PES1: variants seen among roughly 807,000 people sequenced by gnomAD.
PES1 encodes the protein pescadillo homolog.
Under a neutral mutation model 77.1 loss-of-function variants are expected in PES1, and 31 were observed. The observed-to-expected ratio is 0.40, with a 90% CI of 0.30 to 0.54. The LOEUF (loss-of-function observed/expected upper bound fraction) is 0.54. PES1 is among the 20% of genes least tolerant of loss of function. The probability of loss-of-function intolerance (pLI) is 0.45; values close to 1 mark genes in which losing one functional copy is unlikely to be tolerated. For missense variants in PES1, 658 were observed against 771.7 expected (o/e 0.85, Z 1.75); for synonymous variants, 282 against 303.0 (o/e 0.93, Z 0.72).
chr22:30,584,820 G>C, intron 4 of PES1, 103 bp from the exon 5 acceptor site: 1 of 1,196,908 alleles, frequency 8.4e-7, no homozygotes, highest in Non-Finnish European at 1.2e-6. Context: ...CTCAAGCCAG[G>C]CCTCACCACT....
rs375509643 is a variant in PES1, at chr22:30,589,111, A to G, written c.104+80T>C. 1.9e-5 allele frequency: 20 copies of G among 1,034,046 alleles called. No individual in the cohort carries two copies. The East Asian group carries it at 4.5e-4, about 23-fold the overall frequency. 64.1% of individuals were successfully genotyped at this position (1,034,046 alleles called of 1,614,324 possible). On this transcript the variant is annotated intron_variant, in intron 2 of 14. Transcript: ENST00000354694. ...CCAGAACCCCAGAATGGGTATGGCA[A>G]CTCAGGTAAGACAGGGATGCAGCTG... is the stretch of plus-strand genomic sequence containing the variant.
chr22:30,606,763 A>AGG, intron 1 of PES1: 1 of 715,940 alleles, frequency 1.4e-6, no homozygotes, highest in Non-Finnish European at 1.7e-6. Flanking sequence ...GCCACAACTG[A>AGG]GGGAGGCGGT....
At chr22:30,599,967 A>G (rs1410450907) in intron 2 of PES1, among the ~76,000 whole-genome samples, 3 of 152,242 alleles carry the variant, frequency 2.0e-5, no homozygotes, top group African/African-American at 7.2e-5. Flanking sequence ...TACAATTGTC[A>G]TGTAATTTAA....
At chr22:30,582,615 G>C (rs527304663) in intron 6 of PES1, among the ~76,000 whole-genome samples, 5 of 152,266 alleles carry the variant, frequency 3.3e-5, no homozygotes, top group South Asian at 4.1e-4. Flanking sequence ...AGGATGTTCC[G>C]AGCAACGTGA....
At chr22:30,580,837 C>T in intron 9 of PES1, 136 bp from the exon 10 acceptor site, 1 of 1,365,988 alleles carries the variant, frequency 7.3e-7, no homozygotes, top group Non-Finnish European at 1.0e-6. Flanking sequence ...CAAGGCCCCA[C>T]TCCTGAGCTC....
At chr22:30,593,858 C>G (rs1433788026), upstream of PES1, among the ~76,000 whole-genome samples, 3 of 152,216 alleles carry the variant, frequency 2.0e-5, no homozygotes, top group South Asian at 2.1e-4. Context: ...CTAAGCTGTG[C>G]AGAATAGATT....
intron 2 of PES1, among the ~76,000 whole-genome samples, chr22:30,602,327 G>C (rs1477637323): frequency 6.6e-6 from 1 of 151,984 alleles, no homozygotes; most frequent in African/African-American, 2.4e-5. Context: ...TTTCTGCCAC[G>C]ATTGCAAGTT....
chr22:30,600,722 A>G (rs771670198), intron 2 of PES1, among the ~76,000 whole-genome samples: 3 of 152,182 alleles, frequency 2.0e-5, no homozygotes, highest in Non-Finnish European at 4.4e-5. Context: ...AGGCTGAGGC[A>G]GGAGAATGGC....
At chr22:30,581,271 A>G in intron 8 of PES1, 63 bp downstream of exon 8, 3 of 1,530,506 alleles carry the variant, frequency 2.0e-6, no homozygotes, top group Non-Finnish European at 2.7e-6. Context: ...AGACCCCCAG[A>G]GGTGTTGGGG....
intron 1 of PES1, 31 bp downstream of exon 1, chr22:30,591,779 C>A: frequency 6.4e-7 from 1 of 1,554,930 alleles, no homozygotes; most frequent in East Asian, 2.4e-5. Context: ...CACCCCACCC[C>A]TCGGGAATCC....
At chr22:30,599,594 T>C (rs2146494517) in intron 2 of PES1, among the ~76,000 whole-genome samples, 1 of 152,278 alleles carries the variant, frequency 6.6e-6, no homozygotes, top group Admixed American at 6.5e-5. Flanking sequence ...TCATAACTAG[T>C]CTAAGGCAAT....
chr22:30,599,278 C>T (rs994783851), intron 2 of PES1, among the ~76,000 whole-genome samples: 1 of 141,004 alleles, frequency 7.1e-6, no homozygotes, highest in African/African-American at 2.6e-5. Context: ...TGTTAACATA[C>T]ATTTTTGCCT....
intron 6 of PES1, among the ~76,000 whole-genome samples, chr22:30,583,661 C>A (rs1016973967): frequency 6.6e-6 from 1 of 152,248 alleles, no homozygotes; most frequent in Non-Finnish European, 1.5e-5. Flanking sequence ...CTGTGGCTCA[C>A]GCCTATAATC....
rs577001373 is a variant in PES1, at chr22:30,585,423, C to T, written c.369-706G>A. 258 of 451,992 alleles carry T rather than the reference C, an allele frequency of 5.7e-4. 3 individuals carry two copies. The highest frequency in any genetic ancestry group is 4.0e-3 in the South Asian group (247 of 62,468). The allele number at this position is 451,992 out of a possible 1,614,324, so 28.0% of individuals were successfully genotyped here. ...AGAGAAGACACGGAACCACAAGTAA[C>T]GACACCTGGATTCCAGTCCCGGTCT... is the stretch of plus-strand genomic sequence containing the variant. On this transcript the variant is annotated intron_variant, in intron 4 of 14. Transcript: ENST00000354694.
Position 30,578,900 on chromosome 22 carries a change from C to T in PES1, c.1620G>A (p.Met540Ile). The change falls in exon 14 of 15, where the codon ATG (methionine) becomes ATA (isoleucine). Residue 540 changes from methionine (M) to isoleucine (I), a missense_variant. By Grantham distance (10) the Met-to-Ile change is conservative. Coordinates refer to ENST00000354694, the MANE Select transcript of PES1 (RefSeq NM_014303.4). ...SEAKRLAIMM[M>I]KKREKYLYQK... ...GGTACAGGTACTTCTCCCGCTTCTT[C>T]ATCATCATAATGGCCAGGCGCTTGG... 6.2e-7 allele frequency: 1 copy of T among 1,613,448 alleles called. No homozygotes were observed. Among genetic ancestry groups the T allele is most frequent in the Non-Finnish European group, 8.5e-7 (1 of 1,180,024 alleles).
chr22:30,596,339 AGTGT>A (rs112899417), upstream of PES1, among the ~76,000 whole-genome samples: 1 of 149,668 alleles, frequency 6.7e-6, no homozygotes, highest in Admixed American at 6.7e-5. Context: ...TGTTTTTTCA[AGTGT>A]GTGTGTGTGT....
At chr22:30,582,207 A>G (rs2086998993) in intron 6 of PES1, among the ~76,000 whole-genome samples, 1 of 152,230 alleles carries the variant, frequency 6.6e-6, no homozygotes, top group Non-Finnish European at 1.5e-5. Context: ...GGCCAGGCCC[A>G]GCGGGGGCGG....
chr22:30,597,923 G>A (rs1020285200), intron 2 of PES1, among the ~76,000 whole-genome samples: 3 of 123,036 alleles, frequency 2.4e-5, no homozygotes, highest in Admixed American at 2.1e-4. Flanking sequence ...TCACTCTGTC[G>A]CCCAGGCTGG....
At chr22:30,587,578 C>G (rs1288353981) in intron 3 of PES1, among the ~76,000 whole-genome samples, 183 bp from the exon 4 acceptor site, 1 of 152,186 alleles carries the variant, frequency 6.6e-6, no homozygotes, top group Non-Finnish European at 1.5e-5. Flanking sequence ...CAAGGAGCAC[C>G]AAGCCTGGTG....
Sources: allele counts gnomAD v4.1 joint callset (sites outside exome capture counted in the v4.1 genomes callset), GRCh38; gene constraint gnomAD v4.1.1; transcripts MANE v1.5; gene names NCBI Gene and HGNC (gene_info 2026-07-23, HGNC 2026-07-21).